TDRD1: variants seen among roughly 807,000 people sequenced by gnomAD.
The protein encoded by TDRD1 is tudor domain-containing protein 1.
A neutral mutation model predicts 140.6 loss-of-function variants in TDRD1; 37 were observed. The observed-to-expected ratio is 0.26, with a 90% CI of 0.20 to 0.35. The LOEUF is 0.35. Ranked by LOEUF, TDRD1 falls within the 10% of genes least tolerant of loss-of-function variation. The probability of loss-of-function intolerance (pLI) is 1.00; values close to 1 mark genes in which losing one functional copy is unlikely to be tolerated. For missense variants in TDRD1, 1,243 were observed against 1,393.0 expected (o/e 0.89, Z 1.71); for synonymous variants, 506 against 475.7 (o/e 1.06, Z -0.83).
At chr10:114,181,112 A>G (rs1159946585) in intron 1 of TDRD1, among the ~76,000 whole-genome samples, 2 of 152,192 alleles carry the variant, frequency 1.3e-5, no homozygotes, top group African/African-American at 4.8e-5. Flanking sequence ...TTGCCTGTAG[A>G]ACTATAGAAA....
chr10:114,202,119 G>A, intron 5 of TDRD1, 119 bp from the exon 6 acceptor site: 1 of 718,366 alleles, frequency 1.4e-6, no homozygotes, highest in Middle Eastern at 2.5e-4. Flanking sequence ...TGTGATTCTG[G>A]AAGAAGCTGT....
intron 16 of TDRD1, among the ~76,000 whole-genome samples, chr10:114,216,291 A>G (rs2035810287): frequency 6.6e-6 from 1 of 152,148 alleles, no homozygotes. Flanking sequence ...TTTAGTCTCT[A>G]TTCTTTTTCA....
Position 114,228,241 on chromosome 10 carries a change from C to G in TDRD1, c.3538+116C>G, listed in dbSNP as rs111253376. The G allele has an allele frequency of 2.1e-6, 3 of 1,441,686 alleles. No individual in the cohort carries two copies. The African/African-American group carries it at 4.3e-5, about 21-fold the overall frequency. 89.3% of individuals were successfully genotyped at this position (1,441,686 alleles called of 1,614,324 possible). A position where few individuals can be genotyped will look rare whatever the true frequency, so the allele number is the denominator to read the frequency against. On this transcript the variant is annotated intron_variant, in intron 25 of 25. Transcript: ENST00000251864. ...GAAACCTATTGTAAGGCTGTACTTT[C>G]GTGATTTAATGACCTGAGGTTTGGT...
chr10:114,227,829 T>C, intron 23 of TDRD1, 81 bp from the exon 24 acceptor site: 1 of 1,084,356 alleles, frequency 9.2e-7, no homozygotes, highest in Non-Finnish European at 1.4e-6. Flanking sequence ...GGGGGAGAGC[T>C]ATCTGTATAT....
At chr10:114,189,659 A>T in intron 2 of TDRD1, among the ~76,000 whole-genome samples, 1 of 152,180 alleles carries the variant, frequency 6.6e-6, no homozygotes, top group Admixed American at 6.5e-5. Flanking sequence ...TGGCACAATC[A>T]TGGCTTACTA....
At chr10:114,218,387 A>G (rs968345151) in intron 17 of TDRD1, 27 bp from the exon 18 acceptor site, 2 of 1,438,248 alleles carry the variant, frequency 1.4e-6, no homozygotes, top group East Asian at 2.6e-5. Context: ...GAAATGTTCC[A>G]TGTCACAAAC....
At chr10:114,177,834 C>CTTTTTTTTTTT (rs34189756), upstream of TDRD1, among the ~76,000 whole-genome samples, 1 of 131,118 alleles carries the variant, frequency 7.6e-6, no homozygotes, top group South Asian at 2.5e-4. Flanking sequence ...CTTTCTTTTT[C>CTTTTTTTTTTT]TTTTTTTTTT....
In TDRD1 at chr10:114,201,522, A is replaced by T; in HGVS notation, c.635+7A>T. 2 of 1,608,518 alleles carry T rather than the reference A, an allele frequency of 1.2e-6. No individual in the cohort carries two copies. Among genetic ancestry groups the T allele is most frequent in the Non-Finnish European group, 1.7e-6 (2 of 1,176,544 alleles). On this transcript the variant is annotated splice_region_variant and intron_variant, in intron 5 of 25. Coordinates refer to ENST00000251864, the Ensembl canonical transcript of TDRD1. Reference sequence around the variant, plus strand: ...GCAGGCCTGTTCAGCCAAAGTAAGGATTTATGATCTTTTTATTCATTAAGG... The same window carrying T: ...GCAGGCCTGTTCAGCCAAAGTAAGGTTTTATGATCTTTTTATTCATTAAGG...
At chr10:114,232,057 ATGTT>A (rs1482209939) in exon 26 of TDRD1, 1 of 151,432 alleles carries the variant, frequency 6.6e-6, no homozygotes, top group Non-Finnish European at 1.5e-5. Context: ...CTTTGCTTTC[ATGTT>A]TGTTATCTTC....
chr10:114,208,931 G>A (rs762404099), intron 11 of TDRD1, among the ~76,000 whole-genome samples: 59 of 152,074 alleles, frequency 3.9e-4, no homozygotes, highest in Non-Finnish European at 1.5e-4. Flanking sequence ...GGAGCTGCAC[G>A]CCACCATGCC....
chr10:114,197,326 T>C (rs2132903216), intron 3 of TDRD1, among the ~76,000 whole-genome samples: 1 of 152,324 alleles, frequency 6.6e-6, no homozygotes, highest in South Asian at 2.1e-4. Flanking sequence ...ACTGATTGTT[T>C]CCTGTTTTCC....
chr10:114,191,839 T>C (rs1052865513), intron 3 of TDRD1, among the ~76,000 whole-genome samples: 1 of 152,212 alleles, frequency 6.6e-6, no homozygotes, highest in African/African-American at 2.4e-5. Flanking sequence ...TTACCAAGGG[T>C]GTATGAGAGC....
intron 2 of TDRD1, 39 bp downstream of exon 2, chr10:114,188,195 A>G (rs751785776): frequency 5.3e-6 from 8 of 1,521,898 alleles, no homozygotes; most frequent in Middle Eastern, 1.8e-4. Flanking sequence ...CTTCATTCTC[A>G]TGGTTTCTGT....
chr10:114,211,443 A>G (rs923352294), intron 13 of TDRD1, among the ~76,000 whole-genome samples: 2 of 152,200 alleles, frequency 1.3e-5, no homozygotes, highest in African/African-American at 4.8e-5. Context: ...CGGTGGCCTC[A>G]TGGAAGGGGA....
At chr10:114,221,796 C>T (rs1021156417) in intron 20 of TDRD1, among the ~76,000 whole-genome samples, 10 of 152,138 alleles carry the variant, frequency 6.6e-5, no homozygotes, top group South Asian at 6.2e-4. Context: ...TTAGATATAT[C>T]GAAAGACTTT....
intron 1 of TDRD1, among the ~76,000 whole-genome samples, chr10:114,182,477 A>AC (rs2033150244): frequency 6.6e-6 from 1 of 152,200 alleles, no homozygotes; most frequent in South Asian, 2.1e-4. Flanking sequence ...TTGTTTCTAA[A>AC]GTCAAATATA....
intron 21 of TDRD1, among the ~76,000 whole-genome samples, chr10:114,224,307 C>T (rs1449194605): frequency 6.6e-6 from 1 of 152,140 alleles, no homozygotes; most frequent in East Asian, 1.9e-4. Context: ...TTCCGGATTC[C>T]ACAAACTTTG....
intron 21 of TDRD1, among the ~76,000 whole-genome samples, chr10:114,225,558 T>TAAA (rs71303583): frequency 0.072 from 10,555 of 146,952 alleles, 488 homozygotes; most frequent in Middle Eastern, 0.14. Context: ...TCTACGCATT[T>TAAA]AAAAAAAAAA....
exon 2 of TDRD1, chr10:114,187,942 A>G: frequency 6.2e-7 from 1 of 1,614,166 alleles, no homozygotes; most frequent in South Asian, 1.1e-5. Context: ...AGCTTCCACC[A>G]CATGAGTCTT....
Sources: allele counts gnomAD v4.1 joint callset (sites outside exome capture counted in the v4.1 genomes callset), GRCh38; gene constraint gnomAD v4.1.1; transcripts MANE v1.5; gene names NCBI Gene and HGNC (gene_info 2026-07-23, HGNC 2026-07-21).